Variants in CGNL1 observed in about 807,000 individuals in gnomAD.
CGNL1 encodes the protein cingulin-like protein 1.
CGNL1 carries 132 observed loss-of-function variants against 141.2 expected under a neutral mutation model. The observed-to-expected ratio is 0.93, with a 90% CI of 0.81 to 1.08. The LOEUF is 1.08. Ranked by LOEUF, CGNL1 falls within the 50% of genes least tolerant of loss-of-function variation. CGNL1 has a pLI of 0.00. For missense variants in CGNL1, 1,870 were observed against 1,588.6 expected (o/e 1.18, Z -3.01); for synonymous variants, 690 against 622.1 (o/e 1.11, Z -1.63).
intron 1 of CGNL1, among the ~76,000 whole-genome samples, chr15:57,379,020 T>C (rs1231424848): frequency 6.6e-6 from 1 of 152,134 alleles, no homozygotes. Flanking sequence ...AGCAAGACTA[T>C]ATGGAAAGTG....
At chr15:57,443,302 C>G (rs1191263039) in intron 4 of CGNL1, among the ~76,000 whole-genome samples, 4 of 152,172 alleles carry the variant, frequency 2.6e-5, no homozygotes, top group Admixed American at 6.5e-5. Flanking sequence ...TACTCTATGT[C>G]AGACACACCT....
At chr15:57,391,835 G>A (rs568024385) in intron 1 of CGNL1, among the ~76,000 whole-genome samples, 1 of 152,070 alleles carries the variant, frequency 6.6e-6, no homozygotes, top group African/African-American at 2.4e-5. Flanking sequence ...TCCACCCATC[G>A]TATCCTTATT....
intron 14 of CGNL1, among the ~76,000 whole-genome samples, chr15:57,532,051 T>C (rs1302113284): frequency 6.6e-6 from 1 of 152,202 alleles, no homozygotes; most frequent in African/African-American, 2.4e-5. Flanking sequence ...TGATTTCATC[T>C]TTTTCATTAA....
chr15:57,503,933 TG>T (rs746435364), intron 8 of CGNL1, among the ~76,000 whole-genome samples: 8 of 152,148 alleles, frequency 5.3e-5, no homozygotes, highest in Non-Finnish European at 1.2e-4. Flanking sequence ...AATTGAGATT[TG>T]GTGGGGACAC....
chr15:57,388,504 C>G (rs1306357111), intron 1 of CGNL1, among the ~76,000 whole-genome samples: 4 of 152,188 alleles, frequency 2.6e-5, no homozygotes, highest in Admixed American at 2.6e-4. Flanking sequence ...TCTATGAATT[C>G]TTGTGTGTCC....
chr15:57,451,647 T>C (rs1211905920), intron 5 of CGNL1, 46 bp downstream of exon 5: 1 of 1,417,558 alleles, frequency 7.1e-7, no homozygotes, highest in Non-Finnish European at 9.8e-7. Context: ...TCTGTCTTGG[T>C]TGATAAAGAA....
chr15:57,412,990 A>G (rs2062807194), intron 1 of CGNL1, among the ~76,000 whole-genome samples: 2 of 151,884 alleles, frequency 1.3e-5, no homozygotes, highest in South Asian at 4.2e-4. Flanking sequence ...CCTCCTGAGT[A>G]GCTGGGATGA....
intron 1 of CGNL1, among the ~76,000 whole-genome samples, chr15:57,428,687 A>G (rs569574201): frequency 1.3e-5 from 2 of 152,158 alleles, no homozygotes; most frequent in African/African-American, 4.8e-5. Flanking sequence ...AGGGAGACAG[A>G]TTTTTACTGG....
intron 8 of CGNL1, among the ~76,000 whole-genome samples, chr15:57,470,587 G>T (rs2063570027): frequency 6.6e-6 from 1 of 152,142 alleles, no homozygotes; most frequent in Non-Finnish European, 1.5e-5. Flanking sequence ...CACTTGCTGT[G>T]GGTTAGGCTG....
chr15:57,538,790 CCTT>C (rs1422527637), intron 14 of CGNL1, among the ~76,000 whole-genome samples: 10 of 152,204 alleles, frequency 6.6e-5, no homozygotes, highest in Non-Finnish European at 2.9e-5. Context: ...GACACGTTCT[CCTT>C]CTGGGCTCCA....
chr15:57,407,747 A>AT (rs35752757), intron 1 of CGNL1, among the ~76,000 whole-genome samples: 33,706 of 136,198 alleles, frequency 0.25, 4,117 homozygotes, highest in Admixed American at 0.29. Flanking sequence ...ATTATTCTCA[A>AT]TTTTTTTTTT....
Position 57,438,870 on chromosome 15 carries a change from G to T in CGNL1, c.871G>T (p.Ala291Ser). 6.2e-7 allele frequency: 1 copy of T among 1,614,184 alleles called. No homozygotes were observed. The highest frequency in any genetic ancestry group is 8.5e-7 in the Non-Finnish European group (1 of 1,180,034). The change falls in exon 2 of 19, where the codon GCT becomes TCT. Residue 291 changes from alanine to serine, a missense_variant. Ala to Ser is a moderately conservative substitution (Grantham distance 99). Coordinates refer to ENST00000281282, the MANE Select transcript of CGNL1 (RefSeq NM_032866.5). The stretch of plus-strand genomic sequence containing the variant: ...TTCAGCGGGACCCGTCCTGGATGGA[G>T]CTCGGTCCCGGAGGTCCTCCTCGTC... ...QDSAGPVLDG[A>S]RSRRSSSSST...
chr15:57,510,051 C>G (rs1187845373), intron 8 of CGNL1, among the ~76,000 whole-genome samples: 1 of 152,154 alleles, frequency 6.6e-6, no homozygotes, highest in African/African-American at 2.4e-5. Flanking sequence ...TAGAAGATCT[C>G]AATTCTCTGT....
At chr15:57,423,219 A>G (rs2062935568) in intron 1 of CGNL1, among the ~76,000 whole-genome samples, 1 of 152,208 alleles carries the variant, frequency 6.6e-6, no homozygotes, top group African/African-American at 2.4e-5. Context: ...CTCAGACAAC[A>G]GGCAACAGCC....
chr15:57,393,647 C>T (rs1286329319), intron 1 of CGNL1, among the ~76,000 whole-genome samples: 1 of 151,280 alleles, frequency 6.6e-6, no homozygotes, highest in African/African-American at 2.4e-5. Context: ...TCCAGAGTAG[C>T]CCCGAGTTAA....
At chr15:57,508,879 G>T (rs879848257) in intron 8 of CGNL1, among the ~76,000 whole-genome samples, 2 of 152,206 alleles carry the variant, frequency 1.3e-5, no homozygotes. Flanking sequence ...AGATCTCTAG[G>T]TAATTCATTA....
At chr15:57,449,281 C>T (rs187284989) in intron 4 of CGNL1, among the ~76,000 whole-genome samples, 2 of 152,202 alleles carry the variant, frequency 1.3e-5, no homozygotes, top group African/African-American at 2.4e-5. Flanking sequence ...CTGTGGACCT[C>T]TCTCCTCTCT....
chr15:57,444,833 C>A (rs1408656088), intron 4 of CGNL1, among the ~76,000 whole-genome samples: 2 of 152,132 alleles, frequency 1.3e-5, no homozygotes, highest in African/African-American at 4.8e-5. Context: ...TAAGAAGTTT[C>A]CATTTCGGGC....
chr15:57,377,595 A>T (rs2062378913), intron 1 of CGNL1, among the ~76,000 whole-genome samples: 1 of 152,150 alleles, frequency 6.6e-6, no homozygotes, highest in Non-Finnish European at 1.5e-5. Flanking sequence ...TCTCCACCTG[A>T]AGAACCTGTT....
Sources: allele counts gnomAD v4.1 joint callset (sites outside exome capture counted in the v4.1 genomes callset), GRCh38; gene constraint gnomAD v4.1.1; transcripts MANE v1.5; gene names NCBI Gene and HGNC (gene_info 2026-07-23, HGNC 2026-07-21).